STRN: variants seen among roughly 807,000 people sequenced by gnomAD.
The protein encoded by STRN is protein phosphatase 2 regulatory subunit B'''alpha.
STRN carries 53 observed loss-of-function variants against 96.3 expected under a neutral mutation model. The observed-to-expected ratio is 0.55, with a 90% CI of 0.44 to 0.69. The LOEUF (loss-of-function observed/expected upper bound fraction) is 0.69, where lower values mean the gene tolerates loss of function less well. Among genes scored for constraint, STRN ranks in the 30% least tolerant of loss-of-function variants. The pLI, the probability that STRN is intolerant of heterozygous loss-of-function variation, is 0.00. For missense variants in STRN, 987 were observed against 963.9 expected (o/e 1.02, Z -0.32); for synonymous variants, 428 against 355.9 (o/e 1.20, Z -2.28).
At chr2:36,957,917 A>ATTTT (rs1188068591) in intron 1 of STRN, among the ~76,000 whole-genome samples, 1 of 90,412 alleles carries the variant, frequency 1.1e-5, no homozygotes, top group African/African-American at 4.4e-5. Flanking sequence ...CGCCCAGCTA[A>ATTTT]TTTTTTTTTT....
chr2:36,868,917 C>T (rs1441802853), intron 11 of STRN, among the ~76,000 whole-genome samples: 3 of 150,814 alleles, frequency 2.0e-5, no homozygotes, highest in Admixed American at 1.3e-4. Context: ...AGTGGAGCTC[C>T]GATAAGGACC....
chr2:36,921,697 T>C (rs1395020503), intron 2 of STRN, among the ~76,000 whole-genome samples: 3 of 110,274 alleles, frequency 2.7e-5, no homozygotes, highest in Admixed American at 8.2e-5. Context: ...CTTAAAATTT[T>C]TTTTTTGTTG....
chr2:36,893,192 A>C (rs1669446143), intron 7 of STRN, among the ~76,000 whole-genome samples: 1 of 152,236 alleles, frequency 6.6e-6, no homozygotes, highest in African/African-American at 2.4e-5. Flanking sequence ...TATAAGCCTT[A>C]ATGCCTGTAT....
At chr2:36,859,448 T>C (rs989584918) in intron 13 of STRN, among the ~76,000 whole-genome samples, 2 of 152,174 alleles carry the variant, frequency 1.3e-5, no homozygotes, top group Non-Finnish European at 2.9e-5. Flanking sequence ...AAGTAATTCT[T>C]AGGTTTCTAG....
chr2:36,888,621 C>T (rs1669301112), intron 7 of STRN, among the ~76,000 whole-genome samples: 1 of 144,636 alleles, frequency 6.9e-6, no homozygotes, highest in African/African-American at 2.5e-5. Context: ...CACTATATTT[C>T]ATGGGTTTTT....
intron 2 of STRN, among the ~76,000 whole-genome samples, chr2:36,917,787 G>C (rs185091694): frequency 6.6e-6 from 1 of 151,914 alleles, no homozygotes. Flanking sequence ...TATCTTACAC[G>C]TATGTATGAA....
At chr2:36,876,823 C>A (rs1453611625) in intron 10 of STRN, among the ~76,000 whole-genome samples, 2 of 151,386 alleles carry the variant, frequency 1.3e-5, no homozygotes, top group Non-Finnish European at 2.9e-5. Context: ...TCTTGGCTCA[C>A]TGCAAGCTCT....
chr2:36,932,085 GC>G (rs1341481973), intron 1 of STRN, among the ~76,000 whole-genome samples: 1 of 152,100 alleles, frequency 6.6e-6, no homozygotes, highest in Admixed American at 6.6e-5. Flanking sequence ...CTCCCAAAGT[GC>G]TGGAAATACA....
intron 12 of STRN, among the ~76,000 whole-genome samples, chr2:36,861,491 G>A (rs1207736601): frequency 2.0e-5 from 3 of 152,074 alleles, no homozygotes; most frequent in Non-Finnish European, 2.9e-5. Context: ...CAGTCCTCAA[G>A]CTAAGAATGG....
chr2:36,897,715 G>T (rs1048568051), intron 6 of STRN, among the ~76,000 whole-genome samples: 2 of 151,964 alleles, frequency 1.3e-5, no homozygotes, highest in African/African-American at 2.4e-5. Context: ...GGGATTACAG[G>T]TGTGAGCCAC....
chr2:36,885,130 T>G (rs1274585287), intron 8 of STRN, among the ~76,000 whole-genome samples: 2 of 152,152 alleles, frequency 1.3e-5, no homozygotes, highest in African/African-American at 4.8e-5. Flanking sequence ...CTTCTATTAG[T>G]AGGAATATTG....
chr2:36,935,856 A>C (rs1303101880), intron 1 of STRN, among the ~76,000 whole-genome samples: 1 of 152,244 alleles, frequency 6.6e-6, no homozygotes, highest in Admixed American at 6.5e-5. Context: ...CATAAACTAG[A>C]AAGTCTGTTT....
chr2:36,923,460 A>C (rs988393505), intron 2 of STRN, among the ~76,000 whole-genome samples: 5 of 151,932 alleles, frequency 3.3e-5, no homozygotes, highest in East Asian at 3.9e-4. Context: ...AAAAAAAAAA[A>C]AAAACAACTC....
At chr2:36,943,056 T>A (rs1202982974) in intron 1 of STRN, among the ~76,000 whole-genome samples, 5 of 152,148 alleles carry the variant, frequency 3.3e-5, no homozygotes, top group African/African-American at 1.2e-4. Context: ...TTGATGATTA[T>A]TAATAATACT....
In STRN at chr2:36,896,161, A is replaced by C. The variant is rs2465825; in HGVS notation, c.796-2128T>G. On this transcript the variant is annotated intron_variant, in intron 6 of 17. Coordinates refer to ENST00000263918, the MANE Select transcript of STRN (RefSeq NM_003162.4). ...AAAAAGAGCAGGCAAAATCCATAAG[A>C]AGCATGTGGAACCTCAAATTCCAAG... Among the ~76,000 whole-genome samples the C allele has an allele frequency of 1.8e-4, 27 of 152,136 alleles. No individual in the cohort carries two copies. In the East Asian group the frequency reaches 2.7e-3, roughly 15 times the overall value.
intron 3 of STRN, among the ~76,000 whole-genome samples, chr2:36,912,326 C>T (rs1669983665): frequency 6.6e-6 from 1 of 152,192 alleles, no homozygotes; most frequent in Admixed American, 6.5e-5. Context: ...CTCTCCTTCA[C>T]CTTCACAACC....
chr2:36,897,590 C>T (rs1193629204), intron 6 of STRN, among the ~76,000 whole-genome samples: 1 of 151,576 alleles, frequency 6.6e-6, no homozygotes, highest in Non-Finnish European at 1.5e-5. Context: ...CACTCGCCAC[C>T]ATACCCAGCT....
intron 4 of STRN, among the ~76,000 whole-genome samples, chr2:36,903,513 A>G (rs1669742452): frequency 6.6e-6 from 1 of 152,206 alleles, no homozygotes; most frequent in Non-Finnish European, 1.5e-5. Context: ...GAACAGACCA[A>G]AAGTGGCAGT....
At chr2:36,902,375 A>G (rs1669709146) in intron 5 of STRN, among the ~76,000 whole-genome samples, 2 of 152,186 alleles carry the variant, frequency 1.3e-5, no homozygotes, top group African/African-American at 4.8e-5. Context: ...TCTGTATTAA[A>G]TAAATATCAC....
Sources: gnomAD v4.1 joint callset for allele counts (sites outside exome capture counted in the v4.1 genomes callset) on GRCh38, gnomAD v4.1.1 for gene constraint, MANE v1.5 for transcripts, NCBI Gene and HGNC (gene_info 2026-07-23, HGNC 2026-07-21) for gene names.